MACF1: variants seen among roughly 807,000 people sequenced by gnomAD.
MACF1 encodes microtubule-actin cross-linking factor 1.
A neutral mutation model predicts 854.8 loss-of-function variants in MACF1; 193 were observed. That is an observed-to-expected ratio of 0.23 (90% CI 0.20 to 0.25). The LOEUF (loss-of-function observed/expected upper bound fraction) is 0.25, where lower values mean the gene tolerates loss of function less well. MACF1 is among the 10% of genes least tolerant of loss of function. MACF1 has a pLI of 1.00. For synonymous variants in MACF1, 3,185 were observed against 3,226.7 expected, an observed-to-expected ratio of 0.99 and a Z score of 0.44; for missense variants, 7,722 against 8,929.1, an observed-to-expected ratio of 0.86 and a Z score of 5.45.
intron 19 of MACF1, 135 bp from the exon 20 acceptor site, chr1:39,295,648 AGATG>A: frequency 1.6e-6 from 1 of 630,724 alleles, no homozygotes; most frequent in Admixed American, 3.1e-5. Context: ...AGCATTGAGC[AGATG>A]CCAGTCAAGT....
At chr1:39,291,396 G>A (rs781417827) in intron 15 of MACF1, among the ~76,000 whole-genome samples, 9 of 152,108 alleles carry the variant, frequency 5.9e-5, no homozygotes, top group Non-Finnish European at 1.0e-4. Flanking sequence ...TAACCCTTTT[G>A]TTTTATATTA....
rs1181294115 is a variant in MACF1 at position 39,334,354 on chromosome 1, C to G, written c.7766C>G (p.Ser2589Cys). ...AFTGNFVDLI[S>C]GQRLTLAEAK... ...ACTGGAAACTTTGTGGATCTCATTT[C>G]TGGTCAGAGATTGACCTTGGCAGAA... Residue 2589 changes from serine to cysteine, a missense_variant, in exon 37 of 101, where the codon TCT becomes TGT. By Grantham distance (112) the Ser-to-Cys change is moderately radical. Coordinates refer to ENST00000564288, the MANE Select transcript of MACF1 (RefSeq NM_001394062.1). 1.2e-6 allele frequency: 2 copies of G among 1,614,108 alleles called. No homozygotes were observed. The highest frequency in any genetic ancestry group is 4.5e-5 in the East Asian group (2 of 44,882).
In MACF1 at chr1:39,381,381, G is replaced by GT. The variant is rs910744882; in HGVS notation, c.13649-572_13649-571insT. ...CTTTTTTTTTTTTTTTTTTTTTTGGGGGGGGGGACAGGGTCTTGCTCTGTC... is the reference window on the plus strand; with the variant it reads ...CTTTTTTTTTTTTTTTTTTTTTTGGGTGGGGGGGACAGGGTCTTGCTCTGTC... On this transcript the variant is annotated intron_variant, in intron 55 of 100. Coordinates refer to ENST00000564288, the MANE Select transcript of MACF1 (RefSeq NM_001394062.1). Among the ~76,000 whole-genome samples, 71 of 141,284 alleles carry GT rather than the reference G, an allele frequency of 5.0e-4. 1 individual carries two copies. In the East Asian group the frequency reaches 0.012, roughly 25 times the overall value. The allele number at this position is 141,284 out of a possible 152,430, so 92.7% of individuals were successfully genotyped here.
At chr1:39,254,048 T>G in intron 4 of MACF1, 1 of 418,214 alleles carries the variant, frequency 2.4e-6, no homozygotes. Flanking sequence ...TGATTCGGCA[T>G]TAGTGGTCAA....
chr1:39,378,275 CCTTGAGTGACGTTTTG>C (rs1320188367), intron 52 of MACF1, among the ~76,000 whole-genome samples, 170 bp from the exon 53 acceptor site: 3 of 152,156 alleles, frequency 2.0e-5, no homozygotes, highest in Non-Finnish European at 4.4e-5. Flanking sequence ...CTGCTAAGAA[CCTTGAGTGACGTTTTG>C]TTGCCTGGCA....
At chr1:39,161,708 T>C (rs971603476) in intron 2 of MACF1, among the ~76,000 whole-genome samples, 4 of 150,998 alleles carry the variant, frequency 2.6e-5, no homozygotes, top group African/African-American at 9.8e-5. Flanking sequence ...CTACTAAAAA[T>C]ACAAAAAAAT....
chr1:39,184,144 G>A (rs990241394), intron 2 of MACF1, among the ~76,000 whole-genome samples: 2 of 152,196 alleles, frequency 1.3e-5, no homozygotes, highest in African/African-American at 4.8e-5. Flanking sequence ...GGGCAGTGCT[G>A]TTCATGTGCC....
Position 39,333,745 on chromosome 1 carries a change from A to T in MACF1, c.7157A>T (p.Asp2386Val), listed in dbSNP as rs1364160238. ...ACCCAGACACTGTGCTCTGTAAAGGATGCAGTTACAGTTGGACTTCTTGAC... is the reference window on the plus strand; with the variant it reads ...ACCCAGACACTGTGCTCTGTAAAGGTTGCAGTTACAGTTGGACTTCTTGAC... Reference protein sequence around the residue: ...PRTQTLCSVKDAVTVGLLDKE... With the variant: ...PRTQTLCSVKVAVTVGLLDKE... Residue 2386 changes from aspartate (D) to valine (V), a missense_variant, in exon 37 of 101, where the codon GAT becomes GTT. Transcript: ENST00000564288. 5.6e-6 allele frequency: 9 copies of T among 1,614,220 alleles called. No individual in the cohort carries two copies. The highest frequency in any genetic ancestry group is 6.8e-6 in the Non-Finnish European group (8 of 1,180,034).
At chr1:39,157,264 C>G (rs760617717) in intron 2 of MACF1, among the ~76,000 whole-genome samples, 1 of 152,206 alleles carries the variant, frequency 6.6e-6, no homozygotes, top group Non-Finnish European at 1.5e-5. Context: ...GCCACCACAC[C>G]CAGCCCCTTT....
At chr1:39,096,830 A>G (rs1641949648) in intron 2 of MACF1, among the ~76,000 whole-genome samples, 1 of 151,278 alleles carries the variant, frequency 6.6e-6, no homozygotes, top group Non-Finnish European at 1.5e-5. Context: ...GAGGACTGGA[A>G]CCACTGCCAC....
At chr1:39,346,281 G>A (rs952363755) in intron 40 of MACF1, among the ~76,000 whole-genome samples, 1 of 151,916 alleles carries the variant, frequency 6.6e-6, no homozygotes, top group African/African-American at 2.4e-5. Flanking sequence ...AGAATAGCAT[G>A]AACCTGGGAG....
At chr1:39,180,476 C>T (rs550736826) in intron 2 of MACF1, among the ~76,000 whole-genome samples, 6 of 152,062 alleles carry the variant, frequency 3.9e-5, no homozygotes, top group South Asian at 2.1e-4. Context: ...ATTAGCAGGG[C>T]GTGGTGGCTC....
At chr1:39,218,897 C>A (rs1005152345) in intron 1 of MACF1, among the ~76,000 whole-genome samples, 2 of 152,170 alleles carry the variant, frequency 1.3e-5, no homozygotes, top group African/African-American at 2.4e-5. Flanking sequence ...TCTCCTGCCT[C>A]AGCCTCCCAA....
chr1:39,354,675 A>T (rs1647376782), intron 44 of MACF1, among the ~76,000 whole-genome samples: 3 of 152,140 alleles, frequency 2.0e-5, no homozygotes, highest in African/African-American at 7.2e-5. Flanking sequence ...TTGGGATTAC[A>T]GGTGCCCAGC....
intron 2 of MACF1, among the ~76,000 whole-genome samples, chr1:39,154,547 G>A (rs1393083182): frequency 1.3e-5 from 2 of 152,074 alleles, no homozygotes; most frequent in Non-Finnish European, 2.9e-5. Context: ...GGAAGGTGTT[G>A]ATTTCTAGGG....
intron 1 of MACF1, among the ~76,000 whole-genome samples, 175 bp downstream of exon 1, chr1:39,205,306 C>G (rs1283106358): frequency 6.6e-6 from 1 of 152,016 alleles, no homozygotes; most frequent in African/African-American, 2.4e-5. Flanking sequence ...CTGGTCTGCC[C>G]TGGGGCCACT....
intron 2 of MACF1, among the ~76,000 whole-genome samples, chr1:39,161,932 C>A (rs1571118274): frequency 6.6e-6 from 1 of 150,810 alleles, no homozygotes; most frequent in East Asian, 1.9e-4. Context: ...TGGTGTGCGC[C>A]TATAGTTTCA....
rs763970797 is a variant in MACF1, at chr1:39,084,206, C to G, written c.-13C>G. On this transcript the variant is annotated 5_prime_UTR_variant, in exon 2 of 94. Coordinates refer to the MACF1 transcript ENST00000361689. The surrounding 1 kb of genome is among the most constrained non-coding windows in gnomAD (Gnocchi z 5.2). ...GGCTCCCAGGCCCTCCTGCAGCAGC[C>G]CCCGCCTGGGCCATGTCTTCCTCAG... 2.5e-6 allele frequency: 4 copies of G among 1,611,148 alleles called. No individual in the cohort carries two copies. In the South Asian group the frequency reaches 3.3e-5, roughly 13 times the overall value.
At chr1:39,219,855 G>C (rs189113318) in intron 1 of MACF1, among the ~76,000 whole-genome samples, 4 of 152,118 alleles carry the variant, frequency 2.6e-5, no homozygotes, top group Non-Finnish European at 5.9e-5. Context: ...GGTCCAAGCA[G>C]TTTTCCTGCC....
Sources: gnomAD v4.1 joint callset for allele counts (sites outside exome capture counted in the v4.1 genomes callset) on GRCh38, gnomAD v4.1.1 for gene constraint, Gnocchi (gnomAD v3.1) non-coding constraint, MANE v1.5 for transcripts, NCBI Gene and HGNC (gene_info 2026-07-23, HGNC 2026-07-21) for gene names.